The following UBE3C variants were observed in gnomAD, a reference collection of about 807,000 sequenced individuals.
The protein encoded by UBE3C is ubiquitin-protein ligase E3C.
A neutral mutation model predicts 129.4 loss-of-function variants in UBE3C; 42 were observed. That is an observed-to-expected ratio of 0.32 (90% CI 0.25 to 0.42). The LOEUF (loss-of-function observed/expected upper bound fraction) is 0.42. Among genes scored for constraint, UBE3C ranks in the 10% least tolerant of loss-of-function variants. The probability of loss-of-function intolerance (pLI) is 1.00; values close to 1 mark genes in which losing one functional copy is unlikely to be tolerated. For synonymous variants in UBE3C, 510 were observed against 492.4 expected, an observed-to-expected ratio of 1.04 and a Z score of -0.47; for missense variants, 1,049 against 1,319.1, an observed-to-expected ratio of 0.80 and a Z score of 3.17.
intron 22 of UBE3C, 44 bp from the exon 23 acceptor site, chr7:157,267,541 C>T (rs749186737): frequency 1.2e-6 from 2 of 1,606,052 alleles, no homozygotes; most frequent in Non-Finnish European, 1.7e-6. Flanking sequence ...TCATGTAATG[C>T]CATGCTTGTT....
intron 16 of UBE3C, among the ~76,000 whole-genome samples, chr7:157,224,604 TTTTA>T (rs1262653995): frequency 1.3e-5 from 2 of 152,220 alleles, no homozygotes; most frequent in African/African-American, 4.8e-5. Context: ...AATGTTTTGT[TTTTA>T]TTTGTCAACT....
At chr7:157,208,290 G>T (rs781206027) in intron 13 of UBE3C, among the ~76,000 whole-genome samples, 7 of 151,688 alleles carry the variant, frequency 4.6e-5, no homozygotes, top group Non-Finnish European at 1.0e-4. Context: ...TACCCAGGCT[G>T]GTCTCAAATT....
chr7:157,248,702 C>T, intron 19 of UBE3C, 122 bp downstream of exon 19: 1 of 1,113,996 alleles, frequency 9.0e-7, no homozygotes, highest in Non-Finnish European at 1.3e-6. Flanking sequence ...ATGACTGTGG[C>T]TGTGAGTTAG....
intron 18 of UBE3C, among the ~76,000 whole-genome samples, chr7:157,241,218 T>A (rs1265723905): frequency 6.6e-6 from 1 of 152,084 alleles, no homozygotes; most frequent in Non-Finnish European, 1.5e-5. Flanking sequence ...TGTCGCAGCA[T>A]AGTCAGGAAA....
At chr7:157,157,781 C>T (rs769120235) in intron 1 of UBE3C, among the ~76,000 whole-genome samples, 1 of 152,086 alleles carries the variant, frequency 6.6e-6, no homozygotes, top group Non-Finnish European at 1.5e-5. Flanking sequence ...TTGAGACCAG[C>T]CTGGCCAACG....
intron 18 of UBE3C, among the ~76,000 whole-genome samples, chr7:157,237,238 G>A (rs1051655918): frequency 9.2e-5 from 14 of 151,658 alleles, no homozygotes; most frequent in African/African-American, 3.1e-4. Context: ...TCAGGAGATC[G>A]AGACCATCCT....
chr7:157,157,256 A>C (rs1807936041), intron 1 of UBE3C, among the ~76,000 whole-genome samples: 1 of 152,230 alleles, frequency 6.6e-6, no homozygotes, highest in South Asian at 2.1e-4. Flanking sequence ...CCTAAGCTGC[A>C]GCTACTGAAT....
In UBE3C at chr7:157,201,637, C is replaced by CTTTTTTTT. The variant is rs10713758; in HGVS notation, c.1332-70_1332-63dup. On this transcript the variant is annotated intron_variant, in intron 10 of 22. Coordinates refer to ENST00000348165, the MANE Select transcript of UBE3C (RefSeq NM_014671.3). ...TTGTACGTTGATCTTCAGTGTATCG[C>CTTTTTTTT]TTTTTTTTTTTTTTTTTTTTTAAGA... 6.3e-5 allele frequency: 14 copies of CTTTTTTTT among 223,162 alleles called. 1 individual carries two copies. The highest frequency in any genetic ancestry group is 2.4e-4 in the South Asian group (4 of 16,428). 13.8% of individuals were successfully genotyped at this position (223,162 alleles called of 1,614,324 possible). A position where few individuals can be genotyped will look rare whatever the true frequency, so the allele number is the denominator to read the frequency against.
intron 13 of UBE3C, among the ~76,000 whole-genome samples, chr7:157,208,972 C>T (rs746581732): frequency 2.0e-5 from 3 of 152,244 alleles, no homozygotes; most frequent in African/African-American, 4.8e-5. Flanking sequence ...ATGTTCAGTT[C>T]GAGTCATCAG....
chr7:157,170,313 C>A lies in UBE3C; in HGVS notation c.205C>A (p.Gln69Lys). 6.6e-7 allele frequency: 1 copy of A among 1,510,316 alleles called. No individual in the cohort carries two copies. 93.6% of individuals were successfully genotyped at this position (1,510,316 alleles called of 1,614,324 possible). A position where few individuals can be genotyped will look rare whatever the true frequency, so the allele number is the denominator to read the frequency against. The change falls in exon 4 of 23, where the codon CAA becomes AAA. Residue 69 changes from glutamine (Q) to lysine (K), a missense_variant. Physicochemically the swap from Gln to Lys is moderately conservative, Grantham distance 53. This residue lies in a region of UBE3C where 489 missense variants were observed against 513.8 expected (regional missense o/e 0.95). Coordinates refer to ENST00000348165, the MANE Select transcript of UBE3C (RefSeq NM_014671.3). Reference sequence around the variant, plus strand: ...TTTGTTTTTCTTCCAGTATTCCATCCAAAGAAGTGCATTTGATCGCTGTGC... The same window carrying A: ...TTTGTTTTTCTTCCAGTATTCCATCAAAAGAAGTGCATTTGATCGCTGTGC... Reference protein sequence around the residue: ...YRDRKQQYSIQRSAFDRCATL... With the variant: ...YRDRKQQYSIKRSAFDRCATL...
In UBE3C at chr7:157,267,097, G is replaced by A. The variant is rs1797097938; in HGVS notation, c.3082-488G>A. Among the ~76,000 whole-genome samples the A allele has an allele frequency of 7.9e-5, 12 of 152,064 alleles. No homozygotes were observed. In the South Asian group the frequency reaches 2.5e-3, roughly 32 times the overall value. ...GCACAGTGCATAATCTTTTATGTAA[G>A]TTAGAACTAAGCCATCAATGTAATT... On this transcript the variant is annotated intron_variant, in intron 22 of 22. Transcript: ENST00000348165.
chr7:157,257,258 G>T (rs1043530354), intron 22 of UBE3C, among the ~76,000 whole-genome samples: 4 of 152,094 alleles, frequency 2.6e-5, no homozygotes, highest in Non-Finnish European at 5.9e-5. Context: ...CTAGTCATAT[G>T]ATAGTTACAC....
chr7:157,160,601 C>T (rs970163837), intron 1 of UBE3C, among the ~76,000 whole-genome samples: 1 of 152,128 alleles, frequency 6.6e-6, no homozygotes, highest in African/African-American at 2.4e-5. Flanking sequence ...TGTTTTATTA[C>T]TGAGCCAGTT....
intron 1 of UBE3C, among the ~76,000 whole-genome samples, chr7:157,143,014 T>G (rs1297628995): frequency 6.6e-6 from 1 of 152,024 alleles, no homozygotes; most frequent in Non-Finnish European, 1.5e-5. Context: ...ATTACAGGCC[T>G]GCACCACCAC....
At chr7:157,253,271 G>A (rs371662009) in intron 19 of UBE3C, among the ~76,000 whole-genome samples, 4 of 152,344 alleles carry the variant, frequency 2.6e-5, no homozygotes, top group Non-Finnish European at 5.9e-5. Context: ...GTGGGGGACA[G>A]TAAGACCCAG....
rs185553405 is a variant in UBE3C, at chr7:157,174,871, T to C, written c.343-48T>C. 63 of 1,440,836 alleles carry C rather than the reference T, an allele frequency of 4.4e-5. No individual in the cohort carries two copies. The East Asian group carries it at 9.0e-4, about 21-fold the overall frequency. 89.3% of individuals were successfully genotyped at this position (1,440,836 alleles called of 1,614,324 possible). On this transcript the variant is annotated intron_variant, in intron 4 of 22. Transcript: ENST00000348165. ...TGGGGTATTATGTAAATTAGCAAAC[T>C]ATTAAATTTTCATTGAGAGTTGTAT...
At chr7:157,204,985 G>C (rs1809393087) in intron 11 of UBE3C, among the ~76,000 whole-genome samples, 1 of 152,238 alleles carries the variant, frequency 6.6e-6, no homozygotes, top group Non-Finnish European at 1.5e-5. Context: ...ACAGAGGTTA[G>C]GGATTGCCTC....
intron 1 of UBE3C, among the ~76,000 whole-genome samples, chr7:157,145,395 GTAAT>G (rs555467315): frequency 6.6e-6 from 1 of 152,128 alleles, no homozygotes; most frequent in Non-Finnish European, 1.5e-5. Context: ...ACAGGTGCCT[GTAAT>G]TGCAGCTACT....
intron 1 of UBE3C, among the ~76,000 whole-genome samples, chr7:157,162,785 A>G (rs992957722): frequency 6.0e-5 from 9 of 150,730 alleles, no homozygotes; most frequent in Non-Finnish European, 1.0e-4. Flanking sequence ...CCCAAAGTGC[A>G]GGGATTACAG....
Sources: allele counts gnomAD v4.1 joint callset (sites outside exome capture counted in the v4.1 genomes callset), GRCh38; gene constraint gnomAD v4.1.1; regional missense constraint gnomAD v4.1.1; transcripts MANE v1.5; gene names NCBI Gene and HGNC (gene_info 2026-07-23, HGNC 2026-07-21).